RYR2: variants seen among roughly 807,000 people sequenced by gnomAD.
The protein encoded by RYR2 is ryanodine receptor 2.
Under a neutral mutation model 601.1 loss-of-function variants are expected in RYR2, and 227 were observed. That is an observed-to-expected ratio of 0.38 (90% CI 0.34 to 0.42). The LOEUF is 0.42. Among genes scored for constraint, RYR2 ranks in the 10% least tolerant of loss-of-function variants. The pLI is 1.00. For synonymous variants in RYR2, 2,223 were observed against 2,175.1 expected, an observed-to-expected ratio of 1.02 and a Z score of -0.61; for missense variants, 4,646 against 6,156.5, an observed-to-expected ratio of 0.75 and a Z score of 8.21.
intron 24 of RYR2, among the ~76,000 whole-genome samples, chr1:237,517,784 T>C (rs1666702108): frequency 1.3e-5 from 2 of 152,210 alleles, no homozygotes; most frequent in African/African-American, 2.4e-5. Flanking sequence ...TAAACCTACA[T>C]TGACACATCA....
At chr1:237,402,436 A>G (rs990745933) in intron 10 of RYR2, among the ~76,000 whole-genome samples, 8 of 151,822 alleles carry the variant, frequency 5.3e-5, no homozygotes, top group Non-Finnish European at 1.2e-4. Flanking sequence ...ATTATGTTCT[A>G]AGAATTAAAA....
Position 237,727,116 on chromosome 1 carries a change from T to C in RYR2, c.10755T>C (p.Ala3585=). Residue 3585 remains alanine, a synonymous_variant, in exon 76 of 105, where the codon GCT becomes GCC. Coordinates refer to ENST00000366574, the MANE Select transcript of RYR2 (RefSeq NM_001035.3). The stretch of plus-strand genomic sequence containing the variant: ...AACATCCTCAGAGATCTAAAAAGGC[T>C]GTATGGCATAAACTACTGTCCAAGC... ...LVEHPQRSKK[A]VWHKLLSKQR... The C allele has an allele frequency of 6.2e-7, 1 of 1,601,558 alleles. No homozygotes were observed. Among genetic ancestry groups the C allele is most frequent in the Non-Finnish European group, 8.6e-7 (1 of 1,168,884 alleles).
intron 1 of RYR2, among the ~76,000 whole-genome samples, chr1:237,044,189 T>G (rs1433293185): frequency 2.8e-5 from 4 of 143,128 alleles, no homozygotes; most frequent in African/African-American, 1.0e-4. Context: ...ATAAGGGTTT[T>G]TTTTTTTTTA....
At chr1:237,666,253 A>G (rs1684317027) in intron 56 of RYR2, among the ~76,000 whole-genome samples, 2 of 152,238 alleles carry the variant, frequency 1.3e-5, no homozygotes, top group African/African-American at 2.4e-5. Flanking sequence ...ATAATGTTTC[A>G]GAATTTTGGA....
intron 1 of RYR2, among the ~76,000 whole-genome samples, chr1:237,251,051 T>C (rs1267748828): frequency 7.2e-6 from 1 of 138,342 alleles, no homozygotes; most frequent in African/African-American, 2.5e-5. Context: ...TGTGTGTGTG[T>C]GTGTGTGTGT....
intron 2 of RYR2, among the ~76,000 whole-genome samples, chr1:237,322,875 AC>A (rs1328841477): frequency 3.3e-4 from 50 of 151,542 alleles, no homozygotes; most frequent in African/African-American, 1.1e-3. Flanking sequence ...AAAAAAAAAA[AC>A]CTTTTTTGAG....
chr1:237,532,802 A>G (rs138982907), intron 25 of RYR2, among the ~76,000 whole-genome samples: 15 of 152,278 alleles, frequency 9.9e-5, no homozygotes, highest in African/African-American at 3.4e-4. Flanking sequence ...TATAGATTCT[A>G]TCTGTTATAA....
At chr1:237,481,100 A>C (rs1310666818) in intron 17 of RYR2, among the ~76,000 whole-genome samples, 1 of 118,820 alleles carries the variant, frequency 8.4e-6, no homozygotes, top group Non-Finnish European at 1.6e-5. Flanking sequence ...TTTTAAGTGT[A>C]TATATACATA....
At chr1:237,430,429 T>A (rs1428097959) in intron 12 of RYR2, among the ~76,000 whole-genome samples, 5 of 152,100 alleles carry the variant, frequency 3.3e-5, no homozygotes, top group African/African-American at 1.2e-4. Flanking sequence ...ATTACAAATA[T>A]TTTTGTAATT....
At chr1:237,693,748 T>C (rs1444200055) in intron 63 of RYR2, among the ~76,000 whole-genome samples, 2 of 152,164 alleles carry the variant, frequency 1.3e-5, no homozygotes, top group African/African-American at 4.8e-5. Flanking sequence ...TAATGTTACG[T>C]TTGGAAGAGT....
At chr1:237,176,959 A>G (rs1039207766) in intron 1 of RYR2, among the ~76,000 whole-genome samples, 1 of 152,188 alleles carries the variant, frequency 6.6e-6, no homozygotes, top group African/African-American at 2.4e-5. Context: ...TTTATAGAGG[A>G]GGAAATTATA....
At chr1:237,689,633 T>A (rs1686762114) in intron 63 of RYR2, among the ~76,000 whole-genome samples, 1 of 152,168 alleles carries the variant, frequency 6.6e-6, no homozygotes, top group African/African-American at 2.4e-5. Flanking sequence ...AGCCTTTTAA[T>A]ACTATTATTT....
Position 237,772,179 on chromosome 1 carries a change from G to A in RYR2, c.11646+79G>A, listed in dbSNP as rs1396893259. 6.5e-6 allele frequency: 5 copies of A among 769,008 alleles called. No homozygotes were observed. In the South Asian group the frequency reaches 8.6e-5, roughly 13 times the overall value. The allele number at this position is 769,008 out of a possible 1,614,324, so 47.6% of individuals were successfully genotyped here. A position where few individuals can be genotyped will look rare whatever the true frequency, so the allele number is the denominator to read the frequency against. On this transcript the variant is annotated intron_variant, in intron 86 of 104. Transcript: ENST00000366574. ...ATACGGCAGAGTTTTAATGTGTTTT[G>A]GTTTATAACTAGAAAGGAGTTTTTG...
chr1:237,520,400 T>A (rs1666973078), intron 24 of RYR2, among the ~76,000 whole-genome samples: 1 of 152,136 alleles, frequency 6.6e-6, no homozygotes, highest in Non-Finnish European at 1.5e-5. Context: ...ACAGGGAAAG[T>A]TTTCAACTTT....
intron 35 of RYR2, among the ~76,000 whole-genome samples, chr1:237,605,903 C>T (rs1424114171): frequency 2.0e-5 from 3 of 151,022 alleles, no homozygotes; most frequent in Non-Finnish European, 4.5e-5. Flanking sequence ...AACCACTGCT[C>T]AATGAAATAA....
chr1:237,770,693 T>C (rs1266570530), intron 84 of RYR2, 114 bp from the exon 85 acceptor site: 1 of 621,572 alleles, frequency 1.6e-6, no homozygotes, highest in African/African-American at 1.8e-5. Context: ...CTTGTGACTG[T>C]TTTTGGTTCA....
At chr1:237,599,593 G>A (rs1676268859) in intron 34 of RYR2, among the ~76,000 whole-genome samples, 1 of 152,064 alleles carries the variant, frequency 6.6e-6, no homozygotes, top group Non-Finnish European at 1.5e-5. Flanking sequence ...GGCCGAGGCG[G>A]GTGGATCATC....
chr1:237,303,825 A>T (rs1416804885), intron 2 of RYR2, among the ~76,000 whole-genome samples: 1 of 152,152 alleles, frequency 6.6e-6, no homozygotes, highest in African/African-American at 2.4e-5. Flanking sequence ...TACTTTATAT[A>T]ATTATCTTAT....
At chr1:237,534,032 A>G (rs1416419293) in intron 25 of RYR2, among the ~76,000 whole-genome samples, 2 of 152,162 alleles carry the variant, frequency 1.3e-5, no homozygotes, top group Non-Finnish European at 2.9e-5. Flanking sequence ...TGTGCGTAAC[A>G]GAAATTGTCA....
Sources: allele counts gnomAD v4.1 joint callset (sites outside exome capture counted in the v4.1 genomes callset), GRCh38; gene constraint gnomAD v4.1.1; transcripts MANE v1.5; gene names NCBI Gene and HGNC (gene_info 2026-07-23, HGNC 2026-07-21).